The following USP25 variants were observed in gnomAD, a reference collection of about 807,000 sequenced individuals.
The protein encoded by USP25 is ubiquitin carboxyl-terminal hydrolase 25.
A neutral mutation model predicts 158.5 loss-of-function variants in USP25; 85 were observed. The ratio of observed to expected loss-of-function variants is 0.54; its 90% confidence interval spans 0.45 to 0.64. The LOEUF (loss-of-function observed/expected upper bound fraction) is 0.64. Ranked by LOEUF, USP25 falls within the 30% of genes least tolerant of loss-of-function variation. The pLI is 0.00. For synonymous variants in USP25, 464 were observed against 460.4 expected, an observed-to-expected ratio of 1.01 and a Z score of -0.10; for missense variants, 1,242 against 1,327.3, an observed-to-expected ratio of 0.94 and a Z score of 1.00.
rs1417079331 is a variant in USP25 at position 15,794,810 on chromosome 21, T to TTA, written c.555+3155_555+3156dup. 3.3e-5 allele frequency among the ~76,000 whole-genome samples: 5 copies of TTA among 151,552 alleles called. No individual in the cohort carries two copies. The East Asian group carries it at 5.8e-4, about 18-fold the overall frequency. ...GAGAGCACATTTAGGGTACTCTATA[T>TTA]TATATATATAATACAGGGTCTGGCA... On this transcript the variant is annotated intron_variant, in intron 5 of 25. Transcript: ENST00000400183.
At chr21:15,794,650 T>C (rs2035768335) in intron 5 of USP25, among the ~76,000 whole-genome samples, 2 of 151,676 alleles carry the variant, frequency 1.3e-5, no homozygotes, top group African/African-American at 4.8e-5. Flanking sequence ...TAGTCCCTTT[T>C]ACTCCTATTG....
chr21:15,815,281 A>G (rs973576581), intron 9 of USP25, among the ~76,000 whole-genome samples: 1 of 152,220 alleles, frequency 6.6e-6, no homozygotes, highest in Non-Finnish European at 1.5e-5. Flanking sequence ...TGGGGTCCTC[A>G]TGGACAACCT....
chr21:15,823,950 A>T lies in USP25; in HGVS notation c.1081-89A>T. The T allele has an allele frequency of 6.8e-6, 9 of 1,317,986 alleles. No individual in the cohort carries two copies. In the Middle Eastern group the frequency reaches 6.3e-4, roughly 92 times the overall value. The allele number at this position is 1,317,986 out of a possible 1,614,324, so 81.6% of individuals were successfully genotyped here. A position where few individuals can be genotyped will look rare whatever the true frequency, so the allele number is the denominator to read the frequency against. Reference sequence around the variant, plus strand: ...CCGCATTGTGGTGATACATATAACAATGTCAGTGCCCACATCCTGTGCCTA... The same window carrying T: ...CCGCATTGTGGTGATACATATAACATTGTCAGTGCCCACATCCTGTGCCTA... On this transcript the variant is annotated intron_variant, in intron 10 of 25. Coordinates refer to ENST00000400183, the MANE Select transcript of USP25 (RefSeq NM_001283041.3).
chr21:15,848,546 G>A (rs191025624), intron 19 of USP25, among the ~76,000 whole-genome samples: 1 of 152,200 alleles, frequency 6.6e-6, no homozygotes, highest in East Asian at 1.9e-4. Flanking sequence ...ATTGGGTAGT[G>A]GGGGAGGGGG....
intron 14 of USP25, among the ~76,000 whole-genome samples, chr21:15,828,860 A>G (rs1010703315): frequency 3.9e-5 from 6 of 152,128 alleles, no homozygotes; most frequent in Non-Finnish European, 8.8e-5. Context: ...GGTGGTCTCA[A>G]TCTCTTGACC....
intron 22 of USP25, among the ~76,000 whole-genome samples, chr21:15,868,847 A>T (rs892672812): frequency 6.6e-6 from 1 of 152,306 alleles, no homozygotes; most frequent in Middle Eastern, 3.4e-3. Flanking sequence ...AAGGAATGAC[A>T]GTTTGAATAC....
chr21:15,790,223 T>A (rs2035518271), intron 4 of USP25, among the ~76,000 whole-genome samples: 1 of 151,952 alleles, frequency 6.6e-6, no homozygotes, highest in South Asian at 2.1e-4. Context: ...CCTGTGGGAG[T>A]TGGTTTTTGG....
intron 10 of USP25, among the ~76,000 whole-genome samples, 172 bp downstream of exon 10, chr21:15,819,018 A>G (rs542288169): frequency 3.3e-5 from 5 of 152,336 alleles, no homozygotes; most frequent in African/African-American, 1.2e-4. Context: ...TCCAGTCAAT[A>G]TGGCCTATAA....
At chr21:15,851,930 T>A (rs2038907124) in intron 20 of USP25, among the ~76,000 whole-genome samples, 1 of 152,166 alleles carries the variant, frequency 6.6e-6, no homozygotes, top group Non-Finnish European at 1.5e-5. Context: ...TTCATATATT[T>A]TTCTTTATTG....
chr21:15,798,147 G>C (rs1312076208), intron 5 of USP25, among the ~76,000 whole-genome samples: 1 of 151,210 alleles, frequency 6.6e-6, no homozygotes, highest in Admixed American at 6.6e-5. Flanking sequence ...ACATGACTTT[G>C]CAGTTGCCAA....
chr21:15,791,491 CATTG>C lies in USP25; in HGVS notation c.393-7_393-4del. On this transcript the variant is annotated splice_polypyrimidine_tract_variant and splice_region_variant and intron_variant, in intron 4 of 25. Transcript: ENST00000400183. ...TATATAATGCTGCATTTTTTTCCAC[CATTG>C]ATTAAGAGTTCTTGAAGCCAGCATA... 3.2e-6 allele frequency: 5 copies of C among 1,583,310 alleles called. No homozygotes were observed. Among genetic ancestry groups the C allele is most frequent in the Non-Finnish European group, 2.6e-6 (3 of 1,166,554 alleles).
Position 15,730,458 on chromosome 21 carries a change from C to G in USP25, c.45+20C>G. Reference sequence around the variant, plus strand: ...CAGAAGGTGAGGCGAGTCCGCCAGCCGGCGGGCCCCACTTCTCCTTCCGAC... The same window carrying G: ...CAGAAGGTGAGGCGAGTCCGCCAGCGGGCGGGCCCCACTTCTCCTTCCGAC... On this transcript the variant is annotated intron_variant, in intron 1 of 25. Transcript: ENST00000400183. 7.4e-7 allele frequency: 1 copy of G among 1,345,514 alleles called. No individual in the cohort carries two copies. Among genetic ancestry groups the G allele is most frequent in the Non-Finnish European group, 9.6e-7 (1 of 1,042,126 alleles). 83.3% of individuals were successfully genotyped at this position (1,345,514 alleles called of 1,614,324 possible). A position where few individuals can be genotyped will look rare whatever the true frequency, so the allele number is the denominator to read the frequency against.
At chr21:15,821,128 T>G (rs1254438933) in intron 10 of USP25, among the ~76,000 whole-genome samples, 1 of 151,982 alleles carries the variant, frequency 6.6e-6, no homozygotes, top group Non-Finnish European at 1.5e-5. Context: ...GTGTGAGTAT[T>G]CACTACTACC....
chr21:15,778,207 G>A (rs1301568791), intron 4 of USP25, among the ~76,000 whole-genome samples, 180 bp downstream of exon 4: 5 of 151,916 alleles, frequency 3.3e-5, no homozygotes, highest in African/African-American at 9.7e-5. Flanking sequence ...GATTGCAATT[G>A]GGTTTAGATT....
chr21:15,748,288 A>G (rs947990372), intron 1 of USP25, among the ~76,000 whole-genome samples: 1 of 151,922 alleles, frequency 6.6e-6, no homozygotes, highest in East Asian at 1.9e-4. Flanking sequence ...TTGAATTAAA[A>G]AATATATTTT....
chr21:15,750,341 T>C (rs907898667), intron 1 of USP25, among the ~76,000 whole-genome samples: 1 of 151,030 alleles, frequency 6.6e-6, no homozygotes, highest in Non-Finnish European at 1.5e-5. Context: ...AAGCAATTCT[T>C]CTGTCAGCCT....
chr21:15,814,483 C>G (rs565469858), intron 9 of USP25, among the ~76,000 whole-genome samples: 4 of 152,188 alleles, frequency 2.6e-5, no homozygotes, highest in Admixed American at 6.5e-5. Flanking sequence ...TTGGAACCTC[C>G]TAGAGATTTG....
chr21:15,783,822 T>TA (rs2123548268), intron 4 of USP25, among the ~76,000 whole-genome samples: 1 of 150,060 alleles, frequency 6.7e-6, no homozygotes, highest in South Asian at 2.1e-4. Context: ...TACAAAAAAT[T>TA]AGCCAGGCAT....
intron 22 of USP25, 103 bp from the exon 23 acceptor site, chr21:15,869,965 A>T (rs996961763): frequency 1.3e-6 from 1 of 790,942 alleles, no homozygotes; most frequent in Non-Finnish European, 1.9e-6. Flanking sequence ...CTTTATTTCT[A>T]TTAATTCAGA....
Sources: allele counts gnomAD v4.1 joint callset (sites outside exome capture counted in the v4.1 genomes callset), GRCh38; gene constraint gnomAD v4.1.1; transcripts MANE v1.5; gene names NCBI Gene and HGNC (gene_info 2026-07-23, HGNC 2026-07-21).